CNTNAP2: variants seen among roughly 807,000 people sequenced by gnomAD.
CNTNAP2 encodes contactin associated protein 2, also known as contactin-associated protein-like 2.
CNTNAP2 carries 98 observed loss-of-function variants against 155.2 expected under a neutral mutation model. The observed-to-expected ratio is 0.63, with a 90% CI of 0.54 to 0.75. The LOEUF (loss-of-function observed/expected upper bound fraction) is 0.75, where lower values mean the gene tolerates loss of function less well. Ranked by LOEUF, CNTNAP2 falls within the 30% of genes least tolerant of loss-of-function variation. The pLI is 0.00. For synonymous variants in CNTNAP2, 651 were observed against 631.2 expected (o/e 1.03, Z -0.47); for missense variants, 1,727 against 1,688.1 (o/e 1.02, Z -0.40).
At chr7:148,339,463 TG>T (rs1798184432) in intron 21 of CNTNAP2, 1 of 152,128 alleles carries the variant, frequency 6.6e-6, no homozygotes, top group African/African-American at 2.4e-5. Context: ...TGCCTTTCAG[TG>T]GTGCGGGGTT....
intron 6 of CNTNAP2, chr7:147,122,912 C>T (rs997639264): frequency 2.6e-5 from 4 of 152,046 alleles, no homozygotes; most frequent in South Asian, 4.2e-4. Context: ...GGAATATGCT[C>T]ATCATAAAAT....
chr7:146,678,702 T>G (rs761697593), intron 1 of CNTNAP2, among the ~76,000 whole-genome samples: 2 of 152,156 alleles, frequency 1.3e-5, no homozygotes, highest in African/African-American at 4.8e-5. Context: ...TGAAATCATC[T>G]AATTAATTCA....
chr7:147,772,446 C>CTATATATATATATATA (rs58027241), intron 13 of CNTNAP2, among the ~76,000 whole-genome samples: 8 of 63,730 alleles, frequency 1.3e-4, no homozygotes, highest in East Asian at 6.3e-4. Context: ...CTCTCTCTCG[C>CTATATATATATATATA]TATATATATA....
intron 1 of CNTNAP2, among the ~76,000 whole-genome samples, chr7:146,637,254 CA>C (rs1218383104): frequency 6.6e-6 from 1 of 152,128 alleles, no homozygotes; most frequent in Non-Finnish European, 1.5e-5. Context: ...TGCAGAAACA[CA>C]AAGGCATAGT....
intron 18 of CNTNAP2, among the ~76,000 whole-genome samples, chr7:148,195,155 C>T (rs1795256742): frequency 6.6e-6 from 1 of 152,132 alleles, no homozygotes; most frequent in South Asian, 2.1e-4. Context: ...TATTTGTACC[C>T]TCTGTGATGA....
chr7:147,769,285 G>T (rs578134149), intron 13 of CNTNAP2, among the ~76,000 whole-genome samples: 2 of 151,892 alleles, frequency 1.3e-5, no homozygotes, highest in Non-Finnish European at 2.9e-5. Flanking sequence ...TAAAGAATTC[G>T]CCCCTTCTGA....
intron 13 of CNTNAP2, among the ~76,000 whole-genome samples, chr7:147,789,392 TCCAGTCTCC>T (rs2116570201): frequency 6.6e-6 from 1 of 152,304 alleles, no homozygotes; most frequent in East Asian, 1.9e-4. Context: ...AAAATACAAA[TCCAGTCTCC>T]CCACTGCTCA....
At chr7:146,945,355 C>T (rs1235624257) in intron 3 of CNTNAP2, among the ~76,000 whole-genome samples, 7 of 152,138 alleles carry the variant, frequency 4.6e-5, no homozygotes, top group South Asian at 2.1e-4. Context: ...TTCTGAGGCA[C>T]GTTTTTCTGT....
intron 2 of CNTNAP2, among the ~76,000 whole-genome samples, chr7:146,826,379 A>G (rs914030345): frequency 3.3e-5 from 5 of 152,154 alleles, no homozygotes; most frequent in African/African-American, 1.2e-4. Flanking sequence ...ATCCTGCTGT[A>G]AACAGTTCCA....
intron 1 of CNTNAP2, among the ~76,000 whole-genome samples, chr7:146,338,102 T>C (rs1385803152): frequency 6.6e-6 from 1 of 152,114 alleles, no homozygotes; most frequent in African/African-American, 2.4e-5. Flanking sequence ...CAAATGGATA[T>C]ACAGATATAT....
chr7:146,478,924 A>T (rs1796919576), intron 1 of CNTNAP2, among the ~76,000 whole-genome samples: 2 of 152,188 alleles, frequency 1.3e-5, no homozygotes, highest in Non-Finnish European at 2.9e-5. Flanking sequence ...TAATTATTAC[A>T]ACAAATAGGA....
chr7:148,028,911 T>C (rs1433933781), intron 15 of CNTNAP2, among the ~76,000 whole-genome samples: 4 of 152,176 alleles, frequency 2.6e-5, no homozygotes, highest in East Asian at 3.9e-4. Flanking sequence ...AGTTTCAGAT[T>C]TGGGGGAAGA....
At chr7:148,240,442 T>A (rs1263350855) in intron 20 of CNTNAP2, among the ~76,000 whole-genome samples, 1 of 151,928 alleles carries the variant, frequency 6.6e-6, no homozygotes, top group East Asian at 1.9e-4. Flanking sequence ...CAGTTTGGGG[T>A]GGTGATAAGG....
intron 3 of CNTNAP2, among the ~76,000 whole-genome samples, chr7:146,951,135 G>A (rs954041610): frequency 6.6e-6 from 1 of 152,006 alleles, no homozygotes; most frequent in Admixed American, 6.6e-5. Context: ...ACTTTTTGAT[G>A]GGCTTGTTTG....
At chr7:147,016,842 G>A (rs1798733177) in intron 3 of CNTNAP2, among the ~76,000 whole-genome samples, 2 of 151,956 alleles carry the variant, frequency 1.3e-5, no homozygotes, top group African/African-American at 2.4e-5. Context: ...AGATCACTGA[G>A]AAAGGTCTAC....
At chr7:146,369,948 C>G (rs1795209620) in intron 1 of CNTNAP2, among the ~76,000 whole-genome samples, 1 of 151,982 alleles carries the variant, frequency 6.6e-6, no homozygotes, top group Non-Finnish European at 1.5e-5. Context: ...TTATCCTAAA[C>G]AAAGACTTGT....
At chr7:147,446,548 T>G (rs1207303537) in intron 10 of CNTNAP2, among the ~76,000 whole-genome samples, 2 of 152,180 alleles carry the variant, frequency 1.3e-5, no homozygotes, top group African/African-American at 4.8e-5. Flanking sequence ...TATCCAAGTT[T>G]TCCACTGTTT....
chr7:146,934,946 G>A lies in CNTNAP2; in HGVS notation c.402+95042G>A, dbSNP rs150625846. ...TGGAATTTGACAAACTCAGAGAAAA[G>A]TTTAGAGGAATGTATAGACTAAATA... On this transcript the variant is annotated intron_variant, in intron 3 of 23. Transcript: ENST00000361727. Among the ~76,000 whole-genome samples, 516 of 152,298 alleles carry A rather than the reference G, an allele frequency of 3.4e-3. 7 individuals carry two copies. Among genetic ancestry groups the A allele is most frequent in the African/African-American group, 0.011 (470 of 41,574 alleles).
At chr7:146,743,179 A>G (rs1287120825) in intron 1 of CNTNAP2, among the ~76,000 whole-genome samples, 1 of 152,196 alleles carries the variant, frequency 6.6e-6, no homozygotes, top group East Asian at 1.9e-4. Context: ...ATTAGTAAAA[A>G]AACAATGCTT....
Sources: allele counts gnomAD v4.1 joint callset (sites outside exome capture counted in the v4.1 genomes callset), GRCh38; gene constraint gnomAD v4.1.1; transcripts MANE v1.5; gene names NCBI Gene and HGNC (gene_info 2026-07-23, HGNC 2026-07-21).